PARD3B: variants seen among roughly 807,000 people sequenced by gnomAD.
PARD3B encodes the protein partitioning defective 3 homolog B.
PARD3B carries 103 observed loss-of-function variants against 130.2 expected under a neutral mutation model. The ratio of observed to expected loss-of-function variants is 0.79; its 90% CI spans 0.67 to 0.93. The LOEUF (loss-of-function observed/expected upper bound fraction) is 0.93, where lower values mean the gene tolerates loss of function less well. PARD3B is among the 40% of genes least tolerant of loss of function. PARD3B has a pLI of 0.00. For missense variants in PARD3B, 1,609 were observed against 1,499.2 expected, an observed-to-expected ratio of 1.07 and a Z score of -1.21; for synonymous variants, 583 against 553.2, an observed-to-expected ratio of 1.05 and a Z score of -0.76.
At position 205,124,496 on chromosome 2, in the gene PARD3B, AAT is replaced by A. The variant is rs1559463379; in HGVS notation, c.1305+33_1305+34del. The A allele has an allele frequency of 2.6e-6, 4 of 1,511,250 alleles. No individual in the cohort carries two copies. The Admixed American group carries it at 6.0e-5, about 23-fold the overall frequency. 93.6% of individuals were successfully genotyped at this position (1,511,250 alleles called of 1,614,324 possible). On this transcript the variant is annotated intron_variant, in intron 9 of 22. Transcript: ENST00000406610. ...GAATTGGAATTAATAGTTGTATGAA[AAT>A]ATTTCTTGGCATTTAAATAATGCCA...
At chr2:204,643,677 A>G (rs1386135851) in intron 1 of PARD3B, among the ~76,000 whole-genome samples, 1 of 152,124 alleles carries the variant, frequency 6.6e-6, no homozygotes, top group Non-Finnish European at 1.5e-5. Flanking sequence ...ACTGGGCCAC[A>G]CTGGAAGAAG....
chr2:205,601,676 T>C (rs2054790847), intron 22 of PARD3B, among the ~76,000 whole-genome samples: 1 of 152,206 alleles, frequency 6.6e-6, no homozygotes, highest in African/African-American at 2.4e-5. Context: ...AATTTTTATG[T>C]AAGGTATAAG....
At chr2:204,638,819 T>G (rs929131003) in intron 1 of PARD3B, among the ~76,000 whole-genome samples, 6 of 152,214 alleles carry the variant, frequency 3.9e-5, no homozygotes, top group African/African-American at 1.2e-4. Flanking sequence ...CAGAGTGTTT[T>G]GCAGAACTTT....
chr2:205,219,148 G>A (rs2038104635), intron 15 of PARD3B, among the ~76,000 whole-genome samples: 1 of 151,778 alleles, frequency 6.6e-6, no homozygotes, highest in Non-Finnish European at 1.5e-5. Flanking sequence ...TGTTTGTCCA[G>A]TTAATGTTTT....
At position 205,029,780 on chromosome 2, in the gene PARD3B, T is replaced by C. The variant is rs536032440; in HGVS notation, c.395-17801T>C. On this transcript the variant is annotated intron_variant, in intron 3 of 22. Transcript: ENST00000406610. Reference sequence around the variant, plus strand: ...CTTCAGTAAGTGCCTGGACAAAAGATGTTAAACAGGACATAAAACTCCAAA... The same window carrying C: ...CTTCAGTAAGTGCCTGGACAAAAGACGTTAAACAGGACATAAAACTCCAAA... Among the ~76,000 whole-genome samples, 8 of 152,266 alleles carry C rather than the reference T, an allele frequency of 5.3e-5. 1 individual carries two copies. The highest frequency in any genetic ancestry group is 1.7e-4 in the African/African-American group (7 of 41,570).
chr2:205,288,946 C>G lies in PARD3B; in HGVS notation c.2186-11584C>G, dbSNP rs2041501676. Among the ~76,000 whole-genome samples, 1 of 152,178 alleles carries G rather than the reference C, an allele frequency of 6.6e-6. No individual in the cohort carries two copies. Among genetic ancestry groups the G allele is most frequent in the Admixed American group, 6.5e-5 (1 of 15,278 alleles). ...TCTTGGTACGTGGTTTGCAGAGATA[C>G]CTGCTGGCCAGTGATCCCAAAAGTC... On this transcript the variant is annotated intron_variant, in intron 16 of 22. Coordinates refer to ENST00000406610, the MANE Select transcript of PARD3B (RefSeq NM_001302769.2). The surrounding 1 kb of genome is among the most constrained non-coding windows in gnomAD (Gnocchi z 4.0).
intron 2 of PARD3B, among the ~76,000 whole-genome samples, chr2:204,719,132 A>T (rs2038877579): frequency 6.6e-6 from 1 of 152,210 alleles, no homozygotes; most frequent in Non-Finnish European, 1.5e-5. Context: ...ATTGAACTTC[A>T]TTCTTAATAT....
At chr2:205,043,262 C>T (rs894723372) in intron 3 of PARD3B, among the ~76,000 whole-genome samples, 9 of 151,984 alleles carry the variant, frequency 5.9e-5, no homozygotes, top group African/African-American at 1.5e-4. Context: ...TTTAAGCAGA[C>T]GAGATAACAC....
intron 12 of PARD3B, among the ~76,000 whole-genome samples, chr2:205,175,749 A>G (rs924235524): frequency 1.3e-5 from 2 of 152,354 alleles, no homozygotes; most frequent in Admixed American, 6.5e-5. Flanking sequence ...AATAGTTAAG[A>G]GTTCTCTATC....
intron 18 of PARD3B, among the ~76,000 whole-genome samples, chr2:205,382,120 C>T (rs555054600): frequency 6.6e-6 from 1 of 152,144 alleles, no homozygotes; most frequent in South Asian, 2.1e-4. Flanking sequence ...TTGAATTTCA[C>T]CAGTTTTTCC....
intron 1 of PARD3B, among the ~76,000 whole-genome samples, chr2:204,574,082 G>T (rs1258162226): frequency 6.6e-6 from 1 of 152,158 alleles, no homozygotes; most frequent in Non-Finnish European, 1.5e-5. Flanking sequence ...TTCCCTCGGT[G>T]GGTGTGGGAG....
chr2:205,073,383 C>T (rs1700859136), intron 4 of PARD3B, among the ~76,000 whole-genome samples: 1 of 152,082 alleles, frequency 6.6e-6, no homozygotes, highest in South Asian at 2.1e-4. Flanking sequence ...TGTCGAAAAA[C>T]TTGTCTTATT....
intron 18 of PARD3B, among the ~76,000 whole-genome samples, chr2:205,377,851 A>C (rs1559029401): frequency 6.8e-6 from 1 of 146,922 alleles, no homozygotes; most frequent in Non-Finnish European, 1.5e-5. Flanking sequence ...GCTCACTGCA[A>C]CCTCCGTCTT....
rs113004155 is a variant in PARD3B, at chr2:204,722,550, G to A, written c.222+36268G>A. 6.9e-3 allele frequency among the ~76,000 whole-genome samples: 1,047 copies of A among 152,238 alleles called. 7 individuals are homozygous for A. Among genetic ancestry groups the A allele is most frequent in the Middle Eastern group, 0.031 (9 of 294 alleles). Reference sequence around the variant, plus strand: ...CCTTTTGTTGAAGGCAGCTCTATTAGCATCTTGTCTATACATTTCTTGACT... The same window carrying A: ...CCTTTTGTTGAAGGCAGCTCTATTAACATCTTGTCTATACATTTCTTGACT... On this transcript the variant is annotated intron_variant, in intron 2 of 22. Coordinates refer to ENST00000406610, the MANE Select transcript of PARD3B (RefSeq NM_001302769.2).
At chr2:205,538,659 A>G (rs1049213191) in intron 21 of PARD3B, among the ~76,000 whole-genome samples, 3 of 152,118 alleles carry the variant, frequency 2.0e-5, no homozygotes, top group Admixed American at 2.0e-4. Flanking sequence ...TCTCTTTCCC[A>G]ATACCGTTTT....
chr2:204,844,846 A>G (rs1379652261), intron 2 of PARD3B, among the ~76,000 whole-genome samples: 1 of 152,120 alleles, frequency 6.6e-6, no homozygotes, highest in Non-Finnish European at 1.5e-5. Context: ...ACTTTACACT[A>G]TTGACTTTCT....
chr2:204,761,033 A>G (rs141552080), intron 2 of PARD3B, among the ~76,000 whole-genome samples: 4,129 of 152,268 alleles, frequency 0.027, 92 homozygotes, highest in Non-Finnish European at 0.038. Flanking sequence ...TTACAATAGA[A>G]CCTTTAAAGG....
Position 205,287,576 on chromosome 2 carries a change from A to G in PARD3B, c.2186-12954A>G, listed in dbSNP as rs1291716036. ...AGAGCTCACCAGGGGGAAGAAATGC[A>G]CTGATTAGTCATGTCTGGGTCGTAG... On this transcript the variant is annotated intron_variant, in intron 16 of 22. Transcript: ENST00000406610. This position sits in a 1 kb window ranked among gnomAD's most constrained non-coding sequence, Gnocchi z 4.8. Among the ~76,000 whole-genome samples, 1 of 152,170 alleles carries G rather than the reference A, an allele frequency of 6.6e-6. No individual in the cohort carries two copies. Among genetic ancestry groups the G allele is most frequent in the East Asian group, 1.9e-4 (1 of 5,180 alleles).
chr2:204,876,485 T>G (rs889646582), intron 2 of PARD3B, among the ~76,000 whole-genome samples: 17 of 152,242 alleles, frequency 1.1e-4, no homozygotes, highest in Admixed American at 8.5e-4. Flanking sequence ...GCAAAAAATT[T>G]AGAAGTGACA....
Sources: allele counts gnomAD v4.1 joint callset (sites outside exome capture counted in the v4.1 genomes callset), GRCh38; gene constraint gnomAD v4.1.1; non-coding constraint Gnocchi (gnomAD v3.1); transcripts MANE v1.5; gene names NCBI Gene and HGNC (gene_info 2026-07-23, HGNC 2026-07-21).